CNNM2: variants seen among roughly 807,000 people sequenced by gnomAD.
CNNM2 encodes metal transporter CNNM2.
In CNNM2, 12 loss-of-function variants were observed where a neutral mutation model predicts 66.9. The observed-to-expected ratio is 0.18, with a 90% CI of 0.11 to 0.29. CNNM2 has a LOEUF of 0.29. Ranked by LOEUF, CNNM2 falls within the 10% of genes least tolerant of loss-of-function variation. The pLI, the probability that CNNM2 is intolerant of heterozygous loss-of-function variation, is 1.00. For synonymous variants in CNNM2, 557 were observed against 501.8 expected, an observed-to-expected ratio of 1.11 and a Z score of -1.47; for missense variants, 705 against 1,167.7, an observed-to-expected ratio of 0.60 and a Z score of 5.77.
intron 1 of CNNM2, among the ~76,000 whole-genome samples, chr10:102,925,904 G>A (rs1026842751): frequency 1.3e-5 from 2 of 152,146 alleles, no homozygotes; most frequent in African/African-American, 4.8e-5. Flanking sequence ...TAGGAAATGA[G>A]TGTTGATACC....
At chr10:103,038,842 A>G (rs980006655) in intron 1 of CNNM2, among the ~76,000 whole-genome samples, 1 of 152,196 alleles carries the variant, frequency 6.6e-6, no homozygotes, top group Non-Finnish European at 1.5e-5. Context: ...AGTGGCTTCT[A>G]TATACAGCAA....
intron 1 of CNNM2, among the ~76,000 whole-genome samples, chr10:102,946,873 A>T (rs991609732): frequency 1.3e-5 from 2 of 152,210 alleles, no homozygotes; most frequent in African/African-American, 4.8e-5. Flanking sequence ...TTAATAACCA[A>T]CTTGGAAAAA....
chr10:102,931,666 T>G (rs1303008612), intron 1 of CNNM2, among the ~76,000 whole-genome samples: 1 of 152,132 alleles, frequency 6.6e-6, no homozygotes, highest in Non-Finnish European at 1.5e-5. Flanking sequence ...CATGGACATT[T>G]ATTTCTAATT....
At chr10:103,056,572 G>A (rs1451160330) in intron 3 of CNNM2, among the ~76,000 whole-genome samples, 2 of 152,220 alleles carry the variant, frequency 1.3e-5, no homozygotes, top group Non-Finnish European at 2.9e-5. Flanking sequence ...TCAATGATGG[G>A]TTGAAAAGGA....
At chr10:102,941,958 A>G (rs1846451356) in intron 1 of CNNM2, among the ~76,000 whole-genome samples, 1 of 152,158 alleles carries the variant, frequency 6.6e-6, no homozygotes, top group Non-Finnish European at 1.5e-5. Flanking sequence ...GTGTTGTGAT[A>G]CTAGTACTCT....
intron 1 of CNNM2, among the ~76,000 whole-genome samples, chr10:102,989,680 G>A (rs971005687): frequency 6.6e-6 from 1 of 151,910 alleles, no homozygotes; most frequent in African/African-American, 2.4e-5. Flanking sequence ...GCGCATCCTT[G>A]TGGTCCCAGC....
At chr10:102,951,982 T>G (rs1390312997) in intron 1 of CNNM2, among the ~76,000 whole-genome samples, 1 of 152,108 alleles carries the variant, frequency 6.6e-6, no homozygotes, top group Non-Finnish European at 1.5e-5. Context: ...TTTGTATTTT[T>G]AGTAGAGACA....
chr10:102,998,322 C>G (rs1372374867), intron 1 of CNNM2, among the ~76,000 whole-genome samples: 1 of 152,194 alleles, frequency 6.6e-6, no homozygotes, highest in Non-Finnish European at 1.5e-5. Flanking sequence ...AATGGCCTGG[C>G]TAAGCACATC....
chr10:103,053,360 T>A (rs555231671), intron 2 of CNNM2, among the ~76,000 whole-genome samples: 17 of 152,018 alleles, frequency 1.1e-4, no homozygotes, highest in African/African-American at 1.9e-4. Context: ...ACAAAAAAAA[T>A]TTTAAAATTA....
In CNNM2 at chr10:103,054,366, A is replaced by G. The variant is rs1244062816; in HGVS notation, c.1803A>G (p.Glu601=). The change falls in exon 3 of 8, where the codon GAA becomes GAG. Residue 601 remains glutamate (E), a synonymous_variant. Transcript: ENST00000369878. This position sits in a 1 kb window ranked among gnomAD's most constrained non-coding sequence, Gnocchi z 5.2. Reference sequence around the variant, plus strand: ...CGAAAAAGAAAGTGGCTCACCGGGAACGAAAGCAAGATTTTTCTGCCTTTA... The same window carrying G: ...CGAAAAAGAAAGTGGCTCACCGGGAGCGAAAGCAAGATTTTTCTGCCTTTA... ...NRTKKKVAHR[E]RKQDFSAFKQ... The G allele has an allele frequency of 3.7e-6, 6 of 1,613,978 alleles. No homozygotes were observed. The highest frequency in any genetic ancestry group is 5.1e-6 in the Non-Finnish European group (6 of 1,179,882).
intron 1 of CNNM2, among the ~76,000 whole-genome samples, chr10:102,983,565 A>C (rs1032529853): frequency 6.6e-6 from 1 of 151,834 alleles, no homozygotes; most frequent in African/African-American, 2.4e-5. Context: ...CAGCCTCCCA[A>C]GTAGCTGGGA....
Position 102,919,103 on chromosome 10 carries a change from C to G in CNNM2, c.623C>G (p.Thr208Arg). The change falls in exon 1 of 8, where the codon ACG (threonine) becomes AGG (arginine). Residue 208 changes from threonine to arginine, a missense_variant. Physicochemically the swap from Thr to Arg is moderately conservative, Grantham distance 71. Transcript: ENST00000369878. ...CTGGGCGCCGGCGGCTCGGGGTCCA[C>G]GGGTGGCGCCGTCGGGGGCAAGGGT... is the stretch of plus-strand genomic sequence containing the variant. The part of the protein sequence containing the change: ...PALGAGGSGS[T>R]GGAVGGKGGS... 1 of 1,610,908 alleles carries G rather than the reference C, an allele frequency of 6.2e-7. No homozygotes were observed. The highest frequency in any genetic ancestry group is 2.2e-5 in the East Asian group (1 of 44,808).
chr10:103,042,930 C>G (rs1028984568), intron 1 of CNNM2, among the ~76,000 whole-genome samples: 8 of 152,084 alleles, frequency 5.3e-5, no homozygotes, highest in African/African-American at 1.9e-4. Context: ...TATAGAACTC[C>G]CTTTTTGCAA....
intron 6 of CNNM2, among the ~76,000 whole-genome samples, chr10:103,073,006 T>A (rs1308599388): frequency 6.6e-6 from 1 of 152,230 alleles, no homozygotes; most frequent in African/African-American, 2.4e-5. Flanking sequence ...ATGTGGACCT[T>A]TATTATTATT....
intron 1 of CNNM2, among the ~76,000 whole-genome samples, chr10:103,035,310 A>G (rs1409030694): frequency 2.0e-5 from 3 of 152,190 alleles, no homozygotes; most frequent in Non-Finnish European, 4.4e-5. Flanking sequence ...CTCTTGGGGA[A>G]CATGAGAAGG....
At chr10:102,927,685 A>G (rs1845918331) in intron 1 of CNNM2, 1 of 350,408 alleles carries the variant, frequency 2.9e-6, no homozygotes, top group African/African-American at 2.1e-5. Context: ...GAATCACTTG[A>G]ACTTAGGTGG....
At chr10:102,980,271 A>G (rs2063700013) in intron 1 of CNNM2, among the ~76,000 whole-genome samples, 1 of 151,080 alleles carries the variant, frequency 6.6e-6, no homozygotes, top group Non-Finnish European at 1.5e-5. Context: ...ATTAAACTTG[A>G]TATTTCTAAA....
At chr10:102,965,215 CTA>C (rs745991745) in intron 1 of CNNM2, among the ~76,000 whole-genome samples, 4 of 152,226 alleles carry the variant, frequency 2.6e-5, no homozygotes, top group Non-Finnish European at 5.9e-5. Context: ...ACACAGCTCT[CTA>C]TAAATAATGC....
chr10:102,958,420 G>A (rs1020550148), intron 1 of CNNM2, among the ~76,000 whole-genome samples: 2 of 132,104 alleles, frequency 1.5e-5, no homozygotes, highest in Non-Finnish European at 3.2e-5. Flanking sequence ...AATATAAACT[G>A]TTGAGTCTGA....
Sources: allele counts gnomAD v4.1 joint callset (sites outside exome capture counted in the v4.1 genomes callset), GRCh38; gene constraint gnomAD v4.1.1; non-coding constraint Gnocchi (gnomAD v3.1); transcripts MANE v1.5; gene names NCBI Gene and HGNC (gene_info 2026-07-23, HGNC 2026-07-21).